The following SNRK variants were observed in gnomAD, a reference collection of about 807,000 sequenced individuals.
SNRK encodes the protein SNF-related serine/threonine-protein kinase.
A neutral mutation model predicts 48.2 loss-of-function variants in SNRK; 3 were observed. The ratio of observed to expected loss-of-function variants is 0.06; its 90% CI spans 0.03 to 0.16. The LOEUF is 0.16. SNRK is among the 10% of genes least tolerant of loss of function. The probability of loss-of-function intolerance (pLI) is 1.00; values close to 1 mark genes in which losing one functional copy is unlikely to be tolerated. For synonymous variants in SNRK, 376 were observed against 366.1 expected (o/e 1.03, Z -0.31); for missense variants, 627 against 976.0 (o/e 0.64, Z 4.76).
chr3:43,311,314 C>T (rs1275102656), intron 3 of SNRK, among the ~76,000 whole-genome samples: 2 of 152,126 alleles, frequency 1.3e-5, no homozygotes, highest in South Asian at 4.1e-4. Context: ...TTGCAGTGTG[C>T]CTCATCTAGA....
chr3:43,301,363 T>G (rs1165916716), intron 2 of SNRK, among the ~76,000 whole-genome samples: 1 of 152,214 alleles, frequency 6.6e-6, no homozygotes, highest in Non-Finnish European at 1.5e-5. Flanking sequence ...GCCAAATGTT[T>G]ATAAACAATG....
At chr3:43,296,423 T>TATATATAC (rs1239951681) in intron 1 of SNRK, among the ~76,000 whole-genome samples, 1 of 143,654 alleles carries the variant, frequency 7.0e-6, no homozygotes, top group African/African-American at 2.6e-5. Flanking sequence ...GGCATATATA[T>TATATATAC]ATATATATAT....
intron 3 of SNRK, among the ~76,000 whole-genome samples, chr3:43,310,301 C>T (rs1466199766): frequency 6.6e-6 from 1 of 151,926 alleles, no homozygotes; most frequent in Non-Finnish European, 1.5e-5. Flanking sequence ...GCTTTCTTTG[C>T]TCTTTCCCCA....
chr3:43,298,294 C>A (rs1209433398), intron 1 of SNRK, among the ~76,000 whole-genome samples: 2 of 152,078 alleles, frequency 1.3e-5, no homozygotes, highest in African/African-American at 2.4e-5. Context: ...ACTGTACTAC[C>A]GCACTGCTTT....
intron 2 of SNRK, among the ~76,000 whole-genome samples, chr3:43,301,832 A>G (rs907689537): frequency 2.6e-5 from 4 of 152,266 alleles, no homozygotes; most frequent in African/African-American, 9.6e-5. Flanking sequence ...TCCTTGTTGG[A>G]TTTTGTTACT....
chr3:43,335,240 C>T (rs186923169), intron 4 of SNRK, among the ~76,000 whole-genome samples: 4 of 152,156 alleles, frequency 2.6e-5, no homozygotes, highest in Admixed American at 2.6e-4. Flanking sequence ...CTACTGATAC[C>T]ATTTTAGCTG....
intron 3 of SNRK, among the ~76,000 whole-genome samples, chr3:43,319,382 T>C (rs1394944532): frequency 1.3e-5 from 2 of 152,136 alleles, no homozygotes; most frequent in African/African-American, 4.8e-5. Flanking sequence ...AACAAGACCT[T>C]TTAGAGTGAG....
Position 43,340,508 on chromosome 3 carries a change from A to G in SNRK, c.944+9A>G, listed in dbSNP as rs201814032. On this transcript the variant is annotated intron_variant, in intron 5 of 6. Coordinates refer to ENST00000296088, the MANE Select transcript of SNRK (RefSeq NM_017719.5). ...CGAGACGCCATTGTAGAGTACGTCA[A>G]TGCCCGTCAGTACAGAGGGCCACAG... is the stretch of plus-strand genomic sequence containing the variant. The G allele has an allele frequency of 7.4e-4, 1,195 of 1,613,170 alleles. 11 individuals carry two copies. Among genetic ancestry groups the G allele is most frequent in the African/African-American group, 4.0e-4 (30 of 75,008 alleles).
intron 6 of SNRK, among the ~76,000 whole-genome samples, chr3:43,346,772 GTTTT>G (rs1203824222): frequency 6.6e-6 from 1 of 152,036 alleles, no homozygotes; most frequent in East Asian, 1.9e-4. Context: ...ATTTAACTTA[GTTTT>G]TTTTAATTGG....
chr3:43,339,818 AATATATATATAT>A (rs71083066), intron 4 of SNRK, among the ~76,000 whole-genome samples: 1,048 of 66,402 alleles, frequency 0.016, 28 homozygotes, highest in Admixed American at 0.026. Flanking sequence ...CCATTTCCAA[AATATATATATAT>A]ATATATATAT....
At chr3:43,320,393 C>G (rs1448769974) in intron 3 of SNRK, among the ~76,000 whole-genome samples, 1 of 152,150 alleles carries the variant, frequency 6.6e-6, no homozygotes, top group Non-Finnish European at 1.5e-5. Flanking sequence ...TTTGGAGGCC[C>G]TTGTTAGGGT....
intron 3 of SNRK, among the ~76,000 whole-genome samples, chr3:43,325,807 A>G (rs149476614): frequency 2.6e-5 from 4 of 152,276 alleles, no homozygotes; most frequent in Admixed American, 6.5e-5. Context: ...CAGTTCTCCA[A>G]TGGGTCCCCC....
chr3:43,347,644 C>T lies in SNRK; in HGVS notation c.1385C>T (p.Ser462Leu), dbSNP rs1241461580. ...DEEDKKPMSL[S>L]TQVVLRRKPS... is the part of the protein sequence containing the mutation. Reference sequence around the variant, plus strand: ...GAGGACAAGAAACCCATGTCCCTCTCAACACAAGTGGTTTTGCGCCGGAAG... The same window carrying T: ...GAGGACAAGAAACCCATGTCCCTCTTAACACAAGTGGTTTTGCGCCGGAAG... The change falls in exon 7 of 7, where the codon TCA becomes TTA. Residue 462 changes from serine (S) to leucine (L), a missense_variant. Physicochemically the swap from Ser to Leu is moderately radical, Grantham distance 145. Coordinates refer to ENST00000296088, the MANE Select transcript of SNRK (RefSeq NM_017719.5). The surrounding 1 kb of genome is among the most constrained non-coding windows in gnomAD (Gnocchi z 5.4). 6.2e-7 allele frequency: 1 copy of T among 1,613,700 alleles called. No homozygotes were observed. The highest frequency in any genetic ancestry group is 8.5e-7 in the Non-Finnish European group (1 of 1,180,018).
intron 3 of SNRK, among the ~76,000 whole-genome samples, chr3:43,319,143 T>C (rs1375248469): frequency 6.6e-6 from 1 of 152,128 alleles, no homozygotes; most frequent in Non-Finnish European, 1.5e-5. Context: ...CCGGTCTCAG[T>C]TCCTGGAGAG....
At chr3:43,337,174 A>G (rs928536182) in intron 4 of SNRK, among the ~76,000 whole-genome samples, 2 of 151,836 alleles carry the variant, frequency 1.3e-5, no homozygotes, top group African/African-American at 4.8e-5. Flanking sequence ...CCCAAGTTCA[A>G]GTGATTCTCA....
intron 3 of SNRK, among the ~76,000 whole-genome samples, chr3:43,319,015 G>A (rs1273903078): frequency 2.7e-5 from 4 of 149,064 alleles, no homozygotes; most frequent in African/African-American, 7.5e-5. Flanking sequence ...GCGACAAAGC[G>A]AGACTTTGTC....
intron 2 of SNRK, among the ~76,000 whole-genome samples, chr3:43,300,872 G>C (rs1172668081): frequency 6.6e-6 from 1 of 152,206 alleles, no homozygotes; most frequent in African/African-American, 2.4e-5. Context: ...TAATAGTTTT[G>C]GTTCTGAAAT....
At chr3:43,293,091 CTTTCT>C (rs1021787926) in intron 1 of SNRK, among the ~76,000 whole-genome samples, 1 of 151,954 alleles carries the variant, frequency 6.6e-6, no homozygotes, top group African/African-American at 2.4e-5. Flanking sequence ...AGTTGCATAC[CTTTCT>C]TTTCTTTTTC....
intron 3 of SNRK, among the ~76,000 whole-genome samples, chr3:43,331,310 A>T (rs887527935): frequency 6.6e-6 from 1 of 152,114 alleles, no homozygotes; most frequent in Non-Finnish European, 1.5e-5. Context: ...ACAAAAGATC[A>T]TTTTCCCATA....
Sources: allele counts gnomAD v4.1 joint callset (sites outside exome capture counted in the v4.1 genomes callset), GRCh38; gene constraint gnomAD v4.1.1; non-coding constraint Gnocchi (gnomAD v3.1); transcripts MANE v1.5; gene names NCBI Gene and HGNC (gene_info 2026-07-23, HGNC 2026-07-21).